SPOCK3: variants seen among roughly 807,000 people sequenced by gnomAD.
SPOCK3 encodes testican-3.
In SPOCK3, 30 loss-of-function variants were observed where a neutral mutation model predicts 56.6. That is an observed-to-expected ratio of 0.53 (90% CI 0.40 to 0.72). The LOEUF (loss-of-function observed/expected upper bound fraction) is 0.72. Ranked by LOEUF, SPOCK3 falls within the 30% of genes least tolerant of loss-of-function variation. SPOCK3 has a pLI of 0.00. For missense variants in SPOCK3, 527 were observed against 530.0 expected, an observed-to-expected ratio of 0.99 and a Z score of 0.06; for synonymous variants, 196 against 183.3, an observed-to-expected ratio of 1.07 and a Z score of -0.56.
intron 2 of SPOCK3, among the ~76,000 whole-genome samples, chr4:167,226,364 T>C (rs1736595667): frequency 1.3e-5 from 2 of 152,086 alleles, no homozygotes; most frequent in East Asian, 3.9e-4. Flanking sequence ...CTCAAGCATG[T>C]CCATCATGGC....
At chr4:166,864,612 C>G (rs958737556) in intron 6 of SPOCK3, among the ~76,000 whole-genome samples, 10 of 151,984 alleles carry the variant, frequency 6.6e-5, no homozygotes, top group African/African-American at 2.4e-4. Context: ...CACCACTGAT[C>G]CCACAGAAAT....
chr4:166,752,571 T>C (rs62355163), intron 8 of SPOCK3, among the ~76,000 whole-genome samples: 26 of 13,320 alleles, frequency 2.0e-3, no homozygotes, highest in African/African-American at 5.6e-3. Flanking sequence ...TATATATATA[T>C]ATACACACAC....
At chr4:167,053,641 G>A (rs1035725668) in intron 3 of SPOCK3, among the ~76,000 whole-genome samples, 1 of 151,804 alleles carries the variant, frequency 6.6e-6, no homozygotes, top group African/African-American at 2.4e-5. Context: ...GCCGAGATCA[G>A]GCCACTGCAC....
At chr4:167,176,340 A>G (rs1730980228) in intron 2 of SPOCK3, among the ~76,000 whole-genome samples, 1 of 152,148 alleles carries the variant, frequency 6.6e-6, no homozygotes, top group African/African-American at 2.4e-5. Flanking sequence ...TATCACAGAT[A>G]TATTGAGTGA....
intron 4 of SPOCK3, among the ~76,000 whole-genome samples, chr4:166,953,322 AC>A (rs1279344865): frequency 6.6e-6 from 1 of 152,204 alleles, no homozygotes; most frequent in East Asian, 1.9e-4. Flanking sequence ...CAGCCAGAAA[AC>A]CCATGAAAAA....
chr4:166,876,043 G>A (rs771088381), intron 6 of SPOCK3, among the ~76,000 whole-genome samples: 8 of 152,286 alleles, frequency 5.3e-5, no homozygotes, highest in Non-Finnish European at 1.2e-4. Context: ...ACGGGGCTCA[G>A]GAAAAGCACA....
intron 4 of SPOCK3, among the ~76,000 whole-genome samples, chr4:166,979,164 G>A (rs1746304751): frequency 6.6e-6 from 1 of 152,138 alleles, no homozygotes; most frequent in African/African-American, 2.4e-5. Context: ...CATCTCTGCA[G>A]ATGTCTTCTT....
intron 3 of SPOCK3, among the ~76,000 whole-genome samples, chr4:167,002,671 T>G (rs1045618193): frequency 6.6e-6 from 1 of 152,176 alleles, no homozygotes; most frequent in Non-Finnish European, 1.5e-5. Flanking sequence ...TGCTACAACA[T>G]TCTTTTCAGA....
At chr4:166,766,538 C>A (rs955763989) in intron 7 of SPOCK3, among the ~76,000 whole-genome samples, 3 of 152,106 alleles carry the variant, frequency 2.0e-5, no homozygotes, top group Non-Finnish European at 4.4e-5. Context: ...GGGATGAAGC[C>A]AACTTGATCG....
At chr4:167,205,455 TAAA>T (rs1204743182) in intron 2 of SPOCK3, among the ~76,000 whole-genome samples, 1 of 49,904 alleles carries the variant, frequency 2.0e-5, no homozygotes, top group Non-Finnish European at 3.4e-5. Flanking sequence ...ATATATTATA[TAAA>T]TATATAGAAT....
intron 4 of SPOCK3, among the ~76,000 whole-genome samples, chr4:166,977,565 CTG>C (rs142258943): frequency 0.03 from 4,594 of 152,046 alleles, 104 homozygotes; most frequent in Middle Eastern, 0.066. Flanking sequence ...ATGTTTTTCT[CTG>C]TGTTACTTTC....
intron 4 of SPOCK3, among the ~76,000 whole-genome samples, chr4:166,985,591 C>G (rs1013045817): frequency 6.6e-6 from 1 of 152,056 alleles, no homozygotes; most frequent in Non-Finnish European, 1.5e-5. Context: ...ATCCTTGGAA[C>G]CTGTTCTACA....
At chr4:166,773,228 G>A (rs1342112370) in intron 7 of SPOCK3, among the ~76,000 whole-genome samples, 2 of 152,110 alleles carry the variant, frequency 1.3e-5, no homozygotes, top group Non-Finnish European at 2.9e-5. Flanking sequence ...AACTGACCAG[G>A]TCTAAATCTT....
intron 2 of SPOCK3, among the ~76,000 whole-genome samples, chr4:167,187,836 T>C (rs1732138866): frequency 6.6e-6 from 1 of 152,164 alleles, no homozygotes; most frequent in African/African-American, 2.4e-5. Context: ...ACAGAGGACA[T>C]TTGCTATGCA....
At chr4:167,142,035 T>C (rs556910787) in intron 2 of SPOCK3, among the ~76,000 whole-genome samples, 1 of 152,162 alleles carries the variant, frequency 6.6e-6, no homozygotes, top group East Asian at 1.9e-4. Context: ...AGGAAAATTA[T>C]TTCCAATTTA....
At chr4:166,933,733 C>A (rs1740057187) in intron 4 of SPOCK3, among the ~76,000 whole-genome samples, 1 of 152,112 alleles carries the variant, frequency 6.6e-6, no homozygotes, top group Non-Finnish European at 1.5e-5. Context: ...CATAATTTTT[C>A]ACTGTCCTTT....
chr4:166,860,453 GGA>G (rs957117933), intron 6 of SPOCK3, among the ~76,000 whole-genome samples: 3 of 151,950 alleles, frequency 2.0e-5, no homozygotes, highest in African/African-American at 7.3e-5. Context: ...GCGAGAAAGA[GGA>G]GAGAGAGCTA....
intron 2 of SPOCK3, among the ~76,000 whole-genome samples, chr4:167,138,603 C>T (rs1763296925): frequency 6.6e-6 from 1 of 151,640 alleles, no homozygotes; most frequent in Non-Finnish European, 1.5e-5. Context: ...CTTTTGGATC[C>T]TGTAAATAAA....
At chr4:166,887,703 C>T (rs373977357) in intron 6 of SPOCK3, among the ~76,000 whole-genome samples, 1 of 151,858 alleles carries the variant, frequency 6.6e-6, no homozygotes, top group African/African-American at 2.4e-5. Flanking sequence ...TAGACTGGGG[C>T]ATGTCAGCAA....
Sources: allele counts gnomAD v4.1 joint callset (sites outside exome capture counted in the v4.1 genomes callset), GRCh38; gene constraint gnomAD v4.1.1; transcripts MANE v1.5; gene names NCBI Gene and HGNC (gene_info 2026-07-23, HGNC 2026-07-21).